Variants in NAA25 observed in about 807,000 individuals in gnomAD.
NAA25 encodes N-terminal acetyltransferase B complex subunit NAA25.
In NAA25, 30 loss-of-function variants were observed where a neutral mutation model predicts 132.5. The ratio of observed to expected loss-of-function variants is 0.23; its 90% CI spans 0.17 to 0.31. The LOEUF (loss-of-function observed/expected upper bound fraction) is 0.31, where lower values mean the gene tolerates loss of function less well. Among genes scored for constraint, NAA25 ranks in the 10% least tolerant of loss-of-function variants. The probability of loss-of-function intolerance (pLI) is 1.00; values close to 1 mark genes in which losing one functional copy is unlikely to be tolerated. For synonymous variants in NAA25, 359 were observed against 401.9 expected, an observed-to-expected ratio of 0.89 and a Z score of 1.28; for missense variants, 771 against 1,150.4, an observed-to-expected ratio of 0.67 and a Z score of 4.77.
At chr12:112,057,169 C>A (rs1003863095) in intron 13 of NAA25, among the ~76,000 whole-genome samples, 1 of 152,020 alleles carries the variant, frequency 6.6e-6, no homozygotes, top group Admixed American at 6.6e-5. Flanking sequence ...GCCCTGGCAA[C>A]AGAGCGAGAC....
intron 4 of NAA25, among the ~76,000 whole-genome samples, chr12:112,086,014 CAAAAAAAAAAAAAAAAAAAA>C (rs566528517): frequency 1.1e-3 from 13 of 11,982 alleles, no homozygotes; most frequent in East Asian, 2.8e-3. Flanking sequence ...GAGACTGTCT[CAAAAAAAAAAAAAAAAAAAA>C]AAAAAAAAAA....
intron 16 of NAA25, 114 bp downstream of exon 16, chr12:112,048,178 C>T: frequency 9.8e-7 from 1 of 1,021,194 alleles, no homozygotes; most frequent in Non-Finnish European, 1.4e-6. Context: ...GTCTCTCTCC[C>T]TTTTTTCCCC....
At chr12:112,099,684 GGCCT>G (rs1218373673) in intron 1 of NAA25, among the ~76,000 whole-genome samples, 1 of 152,150 alleles carries the variant, frequency 6.6e-6, no homozygotes, top group Non-Finnish European at 1.5e-5. Flanking sequence ...GGCAGCAGCA[GGCCT>G]GGACACATGC....
chr12:112,060,131 C>A, intron 13 of NAA25, 139 bp downstream of exon 13: 1 of 629,706 alleles, frequency 1.6e-6, no homozygotes, highest in Non-Finnish European at 2.8e-6. Flanking sequence ...TCTGGAAGCA[C>A]CCTAGAAATA....
At chr12:112,108,382 G>A (rs1445139119) in intron 1 of NAA25, among the ~76,000 whole-genome samples, 3 of 152,244 alleles carry the variant, frequency 2.0e-5, no homozygotes, top group Non-Finnish European at 2.9e-5. Context: ...CCACCTTCGG[G>A]GAGATCTCCG....
intron 23 of NAA25, among the ~76,000 whole-genome samples, chr12:112,030,014 A>T (rs770538981): frequency 4.6e-5 from 7 of 152,150 alleles, no homozygotes; most frequent in Non-Finnish European, 7.4e-5. Context: ...GGAGTTTGAA[A>T]CCAGCCTGGT....
chr12:112,038,289 C>T (rs1211468680), intron 22 of NAA25, among the ~76,000 whole-genome samples: 1 of 152,192 alleles, frequency 6.6e-6, no homozygotes, highest in Non-Finnish European at 1.5e-5. Flanking sequence ...GCTGGGATTA[C>T]AGGTGTGAGC....
chr12:112,042,145 T>A (rs1457326227), intron 19 of NAA25, 41 bp from the exon 20 acceptor site: 1 of 1,071,564 alleles, frequency 9.3e-7, no homozygotes, highest in Non-Finnish European at 1.3e-6. Context: ...TTCAATTCTA[T>A]TTTTAGTAAG....
chr12:112,058,486 AG>A (rs1364832984), intron 13 of NAA25, among the ~76,000 whole-genome samples: 2 of 152,190 alleles, frequency 1.3e-5, no homozygotes, highest in Non-Finnish European at 2.9e-5. Context: ...GTACCTCTGA[AG>A]GATTTTTTTT....
At chr12:112,093,818 TACAGTGTGAGCC>T (rs1348727636) in intron 1 of NAA25, among the ~76,000 whole-genome samples, 4 of 151,548 alleles carry the variant, frequency 2.6e-5, no homozygotes, top group Non-Finnish European at 5.9e-5. Context: ...AAGTTGAGGC[TACAGTGTGAGCC>T]ACGGTCGTGC....
chr12:112,060,574 C>T (rs1406928424), intron 12 of NAA25, among the ~76,000 whole-genome samples: 2 of 152,082 alleles, frequency 1.3e-5, no homozygotes, highest in Non-Finnish European at 1.5e-5. Context: ...GGTAGGGTTC[C>T]AGAGCAGAGG....
intron 1 of NAA25, among the ~76,000 whole-genome samples, chr12:112,097,653 C>A (rs1392910738): frequency 6.7e-6 from 1 of 149,660 alleles, no homozygotes; most frequent in African/African-American, 2.5e-5. Context: ...TTTATTCACA[C>A]AGCATTTATA....
chr12:112,080,739 T>A (rs1043728474), intron 5 of NAA25, among the ~76,000 whole-genome samples: 5 of 151,980 alleles, frequency 3.3e-5, no homozygotes, highest in African/African-American at 1.2e-4. Flanking sequence ...GACCTCGTGA[T>A]CCACCCACCT....
chr12:112,046,052 C>T (rs2078376474), intron 17 of NAA25, among the ~76,000 whole-genome samples: 1 of 152,148 alleles, frequency 6.6e-6, no homozygotes, highest in Admixed American at 6.5e-5. Context: ...GCAAGGTTGG[C>T]CCTTGGCTGA....
intron 6 of NAA25, 150 bp from the exon 7 acceptor site, chr12:112,078,416 A>C (rs2078923310): frequency 1.4e-6 from 1 of 701,100 alleles, no homozygotes; most frequent in Non-Finnish European, 2.4e-6. Context: ...GATCTTCTCC[A>C]TCTATATCTC....
intron 7 of NAA25, among the ~76,000 whole-genome samples, chr12:112,077,422 G>A (rs765331417): frequency 2.0e-5 from 3 of 151,258 alleles, no homozygotes; most frequent in Non-Finnish European, 4.4e-5. Context: ...GCAGTGAGCC[G>A]AGATCGCACC....
At chr12:112,070,963 TC>T (rs1489870906) in intron 10 of NAA25, among the ~76,000 whole-genome samples, 1 of 152,266 alleles carries the variant, frequency 6.6e-6, no homozygotes, top group East Asian at 1.9e-4. Flanking sequence ...GCCAGGCTGG[TC>T]TTGAACACCT....
At chr12:112,104,709 G>A (rs150570627) in intron 1 of NAA25, among the ~76,000 whole-genome samples, 2,194 of 152,096 alleles carry the variant, frequency 0.014, 58 homozygotes, top group African/African-American at 0.051. Flanking sequence ...GGTGGCGGGC[G>A]CCTGTATTCC....
chr12:112,036,876 C>CGTGTGT, intron 22 of NAA25, among the ~76,000 whole-genome samples: 1 of 148,352 alleles, frequency 6.7e-6, no homozygotes, highest in Non-Finnish European at 1.5e-5. Flanking sequence ...ACTGTGTGTG[C>CGTGTGT]GTGTGTGTGT....
Sources: allele counts gnomAD v4.1 joint callset (sites outside exome capture counted in the v4.1 genomes callset), GRCh38; gene constraint gnomAD v4.1.1; transcripts MANE v1.5; gene names NCBI Gene and HGNC (gene_info 2026-07-23, HGNC 2026-07-21).